ACTR3C: variants seen among roughly 807,000 people sequenced by gnomAD.
The protein encoded by ACTR3C is actin-related protein 3C.
ACTR3C carries 18 observed loss-of-function variants against 26.3 expected under a neutral mutation model. The ratio of observed to expected loss-of-function variants is 0.68; its 90% CI spans 0.47 to 1.01. The LOEUF is 1.01. ACTR3C is among the 50% of genes least tolerant of loss of function. The pLI, the probability that ACTR3C is intolerant of heterozygous loss-of-function variation, is 0.00. For missense variants in ACTR3C, 184 were observed against 250.7 expected, an observed-to-expected ratio of 0.73 and a Z score of 1.80; for synonymous variants, 55 against 94.5, an observed-to-expected ratio of 0.58 and a Z score of 2.42.
the ACTR3C span, among the ~76,000 whole-genome samples, chr7:149,979,676 A>T: frequency 6.6e-6 from 1 of 151,876 alleles, no homozygotes; most frequent in Non-Finnish European, 1.5e-5. Flanking sequence ...AAAAATTTAA[A>T]TGATACAATA....
At chr7:150,116,649 C>T in the ACTR3C span, among the ~76,000 whole-genome samples, 1 of 152,022 alleles carries the variant, frequency 6.6e-6, no homozygotes, top group East Asian at 1.9e-4. Context: ...CCTGGGATAC[C>T]CACAAATTTG....
At chr7:150,063,660 C>T in the ACTR3C span, among the ~76,000 whole-genome samples, 1 of 151,624 alleles carries the variant, frequency 6.6e-6, no homozygotes, top group East Asian at 1.9e-4. Flanking sequence ...TAAGAAAGAT[C>T]CAACAAAACA....
At chr7:150,163,299 G>T in the ACTR3C span, among the ~76,000 whole-genome samples, 1 of 151,966 alleles carries the variant, frequency 6.6e-6, no homozygotes, top group Non-Finnish European at 1.5e-5. Flanking sequence ...TAAAGAGTTT[G>T]TGTATTAGGG....
the ACTR3C span, among the ~76,000 whole-genome samples, chr7:150,203,605 G>A: frequency 6.6e-6 from 1 of 151,662 alleles, no homozygotes; most frequent in East Asian, 1.9e-4. Context: ...TGCTCTTCTT[G>A]CCCAGGCTGG....
chr7:150,042,400 G>C, the ACTR3C span, among the ~76,000 whole-genome samples: 3,879 of 126,932 alleles, frequency 0.031, 1 homozygote, highest in Non-Finnish European at 0.049. Flanking sequence ...AGAGGGGCTC[G>C]CTCTCAGTCC....
chr7:150,034,234 T>A, the ACTR3C span, among the ~76,000 whole-genome samples: 1 of 151,718 alleles, frequency 6.6e-6, no homozygotes, highest in Admixed American at 6.6e-5. Flanking sequence ...GGCCCTCAAA[T>A]AGGGGGGCCA....
the ACTR3C span, among the ~76,000 whole-genome samples, chr7:150,225,196 T>A: frequency 6.6e-6 from 1 of 152,220 alleles, no homozygotes. Flanking sequence ...GAAACTAATA[T>A]CTGGGCATTA....
At chr7:150,118,430 T>C in the ACTR3C span, among the ~76,000 whole-genome samples, 1 of 151,030 alleles carries the variant, frequency 6.6e-6, no homozygotes, top group Non-Finnish European at 1.5e-5. Context: ...GAGAACTTTG[T>C]GAAGCATATA....
At chr7:150,129,847 T>C in the ACTR3C span, among the ~76,000 whole-genome samples, 1 of 152,192 alleles carries the variant, frequency 6.6e-6, no homozygotes, top group Non-Finnish European at 1.5e-5. Flanking sequence ...AAAATTTATA[T>C]TGAAACATAA....
chr7:150,209,918 CAAA>C, the ACTR3C span, among the ~76,000 whole-genome samples: 137 of 63,096 alleles, frequency 2.2e-3, 3 homozygotes, highest in African/African-American at 2.0e-3. Context: ...GACTGGGTCT[CAAA>C]AAAAAAAAAA....
the ACTR3C span, among the ~76,000 whole-genome samples, chr7:150,071,129 T>C: frequency 1.3e-5 from 2 of 149,944 alleles, no homozygotes; most frequent in South Asian, 2.1e-4. Context: ...GCAATTTCTT[T>C]CTTTTTTTGT....
At chr7:150,011,350 G>T in the ACTR3C span, among the ~76,000 whole-genome samples, 1 of 151,978 alleles carries the variant, frequency 6.6e-6, no homozygotes, top group African/African-American at 2.4e-5. Flanking sequence ...ACTTTGGGAG[G>T]CCAAGGCAGG....
chr7:150,092,813 C>T, the ACTR3C span, among the ~76,000 whole-genome samples: 1 of 151,244 alleles, frequency 6.6e-6, no homozygotes, highest in South Asian at 2.1e-4. Flanking sequence ...ACTCTCTCCT[C>T]TGCCCACACA....
chr7:150,129,045 G>C, the ACTR3C span, among the ~76,000 whole-genome samples: 40 of 151,238 alleles, frequency 2.6e-4, no homozygotes, highest in Non-Finnish European at 4.9e-4. Flanking sequence ...CTTCACAGAA[G>C]ACCTGAGCTC....
the ACTR3C span, among the ~76,000 whole-genome samples, chr7:149,927,827 G>A: frequency 6.6e-6 from 1 of 152,176 alleles, no homozygotes; most frequent in South Asian, 2.1e-4. Context: ...AAGGTCCTCG[G>A]CCACACTGTA....
chr7:150,307,565 A>C (rs1245463953), intron 1 of ACTR3C, among the ~76,000 whole-genome samples: 1 of 152,086 alleles, frequency 6.6e-6, no homozygotes, highest in Admixed American at 6.6e-5. Context: ...TTACCTACCC[A>C]ACTCCTATAA....
chr7:150,007,549 TAAACC>T, the ACTR3C span, among the ~76,000 whole-genome samples: 1 of 152,274 alleles, frequency 6.6e-6, no homozygotes, highest in African/African-American at 2.4e-5. Context: ...TTTAAAAAAA[TAAACC>T]AGAGAAGATT....
At chr7:150,034,381 C>T in the ACTR3C span, among the ~76,000 whole-genome samples, 13 of 151,068 alleles carry the variant, frequency 8.6e-5, no homozygotes, top group South Asian at 2.1e-3. Flanking sequence ...TTTGTCAGAT[C>T]GGGTAGCCCC....
At chr7:149,889,428 C>T in the ACTR3C span, among the ~76,000 whole-genome samples, 1 of 152,156 alleles carries the variant, frequency 6.6e-6, no homozygotes, top group Non-Finnish European at 1.5e-5. Flanking sequence ...ATATAAACAA[C>T]ACTGACAAAT....
Sources: allele counts gnomAD v4.1 joint callset (sites outside exome capture counted in the v4.1 genomes callset), GRCh38; gene constraint gnomAD v4.1.1; transcripts MANE v1.5; gene names NCBI Gene and HGNC (gene_info 2026-07-23, HGNC 2026-07-21).